CCNJL: variants seen among roughly 807,000 people sequenced by gnomAD.
CCNJL encodes cyclin J like.
A neutral mutation model predicts 33.4 loss-of-function variants in CCNJL; 33 were observed. The ratio of observed to expected loss-of-function variants is 0.99; its 90% CI spans 0.75 to 1.32. The LOEUF is 1.32. Ranked by LOEUF, CCNJL falls within the 40% of genes most tolerant of loss-of-function variation. The pLI, the probability that CCNJL is intolerant of heterozygous loss-of-function variation, is 0.00. For missense variants in CCNJL, 512 were observed against 499.7 expected (o/e 1.02, Z -0.23); for synonymous variants, 227 against 220.9 (o/e 1.03, Z -0.24).
intron 3 of CCNJL, among the ~76,000 whole-genome samples, chr5:160,263,943 CT>C (rs1156940851): frequency 0.013 from 1,773 of 136,564 alleles, 9 homozygotes; most frequent in Admixed American, 0.023. Flanking sequence ...CTATCAACCT[CT>C]TTTTTTTTTT....
At chr5:160,322,237 A>C (rs963573120) in intron 1 of CCNJL, among the ~76,000 whole-genome samples, 20 of 152,190 alleles carry the variant, frequency 1.3e-4, no homozygotes, top group African/African-American at 4.6e-4. Flanking sequence ...TCACGTCTCT[A>C]AGGACATTTT....
chr5:160,265,640 A>G (rs778630541), intron 3 of CCNJL, among the ~76,000 whole-genome samples: 8 of 151,222 alleles, frequency 5.3e-5, no homozygotes, highest in Non-Finnish European at 1.0e-4. Context: ...ATCTCAAAAA[A>G]AAAAGGAAAT....
At chr5:160,282,978 T>C (rs192889350) in intron 2 of CCNJL, among the ~76,000 whole-genome samples, 6,288 of 58,604 alleles carry the variant, frequency 0.11, 310 homozygotes, top group Middle Eastern at 0.17. Flanking sequence ...TATATATATA[T>C]ATATATATAT....
chr5:160,279,469 T>C (rs967903802), intron 3 of CCNJL, among the ~76,000 whole-genome samples: 16 of 152,354 alleles, frequency 1.1e-4, no homozygotes, highest in African/African-American at 3.6e-4. Context: ...CAGATTATTT[T>C]TGAGGTCTTA....
At chr5:160,319,975 G>A (rs181793528) in intron 1 of CCNJL, among the ~76,000 whole-genome samples, 1 of 152,246 alleles carries the variant, frequency 6.6e-6, no homozygotes, top group Admixed American at 6.5e-5. Context: ...AACATGGATA[G>A]CGGAGCTAAC....
At chr5:160,318,973 AT>A (rs1273085630) in intron 1 of CCNJL, among the ~76,000 whole-genome samples, 1 of 152,228 alleles carries the variant, frequency 6.6e-6, no homozygotes, top group Non-Finnish European at 1.5e-5. Context: ...TCAATAAAAA[AT>A]TTTTAGAAAG....
intron 1 of CCNJL, among the ~76,000 whole-genome samples, chr5:160,330,229 A>T (rs143037020): frequency 6.6e-6 from 1 of 152,264 alleles, no homozygotes; most frequent in African/African-American, 2.4e-5. Flanking sequence ...CTGCACATTC[A>T]TATCACCTCA....
chr5:160,260,121 C>T (rs534909544), intron 3 of CCNJL, among the ~76,000 whole-genome samples: 1 of 152,196 alleles, frequency 6.6e-6, no homozygotes, highest in African/African-American at 2.4e-5. Context: ...CAGCCGATAG[C>T]GGTCAGCAGC....
chr5:160,260,273 C>T (rs760473781), intron 3 of CCNJL, among the ~76,000 whole-genome samples: 8 of 152,152 alleles, frequency 5.3e-5, no homozygotes, highest in Non-Finnish European at 8.8e-5. Flanking sequence ...AATGGCTTCC[C>T]GCTATCCTGG....
intron 3 of CCNJL, among the ~76,000 whole-genome samples, chr5:160,267,356 G>C (rs1225726522): frequency 2.0e-5 from 3 of 152,118 alleles, no homozygotes; most frequent in Admixed American, 6.5e-5. Flanking sequence ...GAGTTACCCC[G>C]ATCTCCCAGC....
chr5:160,260,307 C>T (rs144890212), intron 3 of CCNJL, among the ~76,000 whole-genome samples: 34 of 152,216 alleles, frequency 2.2e-4, no homozygotes, highest in African/African-American at 7.2e-4. Context: ...ACTGTGTAAA[C>T]GGGGTCTTAG....
chr5:160,258,666 G>T (rs915633780), intron 4 of CCNJL: 14 of 880,006 alleles, frequency 1.6e-5, no homozygotes, highest in Middle Eastern at 3.4e-4. Flanking sequence ...TATTTGGTCT[G>T]CAGCTGTTTT....
At chr5:160,310,297 G>C (rs1763220910) in intron 2 of CCNJL, among the ~76,000 whole-genome samples, 1 of 152,168 alleles carries the variant, frequency 6.6e-6, no homozygotes, top group African/African-American at 2.4e-5. Flanking sequence ...TTCTTGTCCA[G>C]ATGCCTAGAA....
Position 160,251,082 on chromosome 5 carries a change from G to C in CCNJL, c.*2296C>G, listed in dbSNP as rs138667782. On this transcript the variant is annotated 3_prime_UTR_variant, in exon 6 of 6. Coordinates refer to ENST00000257536, the MANE Select transcript of CCNJL (RefSeq NM_001308173.3). ...GTACTAGTCTAGATGTTGCTGTCAA[G>C]GTATTTTTAGATGTGATTAACATTT... 6.6e-6 allele frequency: 1 copy of C among 152,168 alleles called. No homozygotes were observed. The highest frequency in any genetic ancestry group is 1.5e-5 in the Non-Finnish European group (1 of 68,028). 9.4% of individuals were successfully genotyped at this position (152,168 alleles called of 1,614,324 possible).
At chr5:160,292,550 G>T (rs900195359) in intron 2 of CCNJL, among the ~76,000 whole-genome samples, 1 of 152,098 alleles carries the variant, frequency 6.6e-6, no homozygotes, top group African/African-American at 2.4e-5. Flanking sequence ...AAGCCCAGAA[G>T]TTTGAGGCTG....
intron 5 of CCNJL, chr5:160,254,291 C>A: frequency 1.5e-6 from 1 of 659,164 alleles, no homozygotes; most frequent in Non-Finnish European, 2.7e-6. Flanking sequence ...CTGATATCAA[C>A]CAAATTGACC....
chr5:160,307,946 T>TA (rs1763145356), intron 2 of CCNJL, among the ~76,000 whole-genome samples: 1 of 152,166 alleles, frequency 6.6e-6, no homozygotes, highest in African/African-American at 2.4e-5. Flanking sequence ...CCAGGCTGCT[T>TA]AGAGGGTCTT....
chr5:160,261,667 G>C (rs753136078), intron 3 of CCNJL, among the ~76,000 whole-genome samples: 2 of 150,906 alleles, frequency 1.3e-5, no homozygotes, highest in African/African-American at 4.9e-5. Flanking sequence ...ATCCAGCCAC[G>C]TGGGACTCCA....
Position 160,255,602 on chromosome 5 carries a change from C to A in CCNJL, c.690G>T (p.Arg230Ser). 6.2e-7 allele frequency: 1 copy of A among 1,614,162 alleles called. No individual in the cohort carries two copies. The highest frequency in any genetic ancestry group is 8.5e-7 in the Non-Finnish European group (1 of 1,179,986). ...GGTGCTCCAGGGAATAGCTTGAGAT[C>A]CTCTGCAGGTCTCTGGTCCAGTAGG... is the stretch of plus-strand genomic sequence containing the variant. ...LSPYWTRDLQ[R>S]ISSYSLEHLS... Residue 230 changes from arginine (R) to serine (S), a missense_variant, in exon 5 of 6, where the codon AGG becomes AGT. Coordinates refer to ENST00000257536, the MANE Select transcript of CCNJL (RefSeq NM_001308173.3).
Sources: allele counts gnomAD v4.1 joint callset (sites outside exome capture counted in the v4.1 genomes callset), GRCh38; gene constraint gnomAD v4.1.1; transcripts MANE v1.5; gene names NCBI Gene and HGNC (gene_info 2026-07-23, HGNC 2026-07-21).